Variants in ZNF516 observed in about 807,000 individuals in gnomAD.
ZNF516 encodes zinc finger protein 516.
A neutral mutation model predicts 79.7 loss-of-function variants in ZNF516; 19 were observed. That is an observed-to-expected ratio of 0.24 (90% confidence interval 0.17 to 0.35). The LOEUF is 0.35. Ranked by LOEUF, ZNF516 falls within the 10% of genes least tolerant of loss-of-function variation. The pLI, the probability that ZNF516 is intolerant of heterozygous loss-of-function variation, is 1.00. For synonymous variants in ZNF516, 877 were observed against 739.5 expected, an observed-to-expected ratio of 1.19 and a Z score of -3.02; for missense variants, 1,678 against 1,679.5, an observed-to-expected ratio of 1.00 and a Z score of 0.02.
chr18:76,475,795 C>T (rs746067417), intron 1 of ZNF516, among the ~76,000 whole-genome samples: 7 of 152,010 alleles, frequency 4.6e-5, no homozygotes, highest in Non-Finnish European at 8.8e-5. Flanking sequence ...TGAAATGTTA[C>T]GCAAAATTAA....
chr18:76,484,169 T>C (rs1288888888), intron 1 of ZNF516, among the ~76,000 whole-genome samples: 3 of 152,164 alleles, frequency 2.0e-5, no homozygotes, highest in African/African-American at 7.2e-5. Context: ...GCACAGCGTA[T>C]GGAGAAAAAG....
In ZNF516 at chr18:76,451,026, G is replaced by A. The variant is rs1333661194; in HGVS notation, c.-157-7815C>T. ...TCAACAATCGAACGCTTAAAGTTGCGGAAACCAAGCAAAGCTGACTGGGAG... is the reference window on the plus strand; with the variant it reads ...TCAACAATCGAACGCTTAAAGTTGCAGAAACCAAGCAAAGCTGACTGGGAG... On this transcript the variant is annotated intron_variant, in intron 2 of 6. Coordinates refer to ENST00000443185, the MANE Select transcript of ZNF516 (RefSeq NM_014643.4). The surrounding 1 kb of genome is among the most constrained non-coding windows in gnomAD (Gnocchi z 6.0). Among the ~76,000 whole-genome samples the A allele has an allele frequency of 2.0e-5, 3 of 152,124 alleles. No homozygotes were observed. The highest frequency in any genetic ancestry group is 6.5e-5 in the Admixed American group (1 of 15,270).
chr18:76,442,352 AGGCCTCGCCGCTGCC>A lies in ZNF516; in HGVS notation c.688_702del (p.Gly230_Ala234del), dbSNP rs1911731297. 1 of 1,609,866 alleles carries A rather than the reference AGGCCTCGCCGCTGCC, an allele frequency of 6.2e-7. No homozygotes were observed. Among genetic ancestry groups the A allele is most frequent in the Non-Finnish European group, 8.5e-7 (1 of 1,179,138 alleles). Reference sequence around the variant, plus strand: ...AGCTCGGGCTTGCCGTTCTCCACGCAGGCCTCGCCGCTGCCGGGCCCCTGCGCGGTGATGTGGTCC... The same window carrying A: ...AGCTCGGGCTTGCCGTTCTCCACGCAGGGCCCCTGCGCGGTGATGTGGTCC... On this transcript the variant is annotated inframe_deletion, in exon 3 of 7. Coordinates refer to ENST00000443185, the MANE Select transcript of ZNF516 (RefSeq NM_014643.4).
intron 3 of ZNF516, among the ~76,000 whole-genome samples, chr18:76,381,262 C>T (rs972350801): frequency 6.6e-6 from 1 of 152,154 alleles, no homozygotes; most frequent in Non-Finnish European, 1.5e-5. Context: ...AACAAAAATT[C>T]GGTTTTATGT....
chr18:76,377,015 C>T (rs1052140704), intron 4 of ZNF516, among the ~76,000 whole-genome samples: 2 of 152,212 alleles, frequency 1.3e-5, no homozygotes, highest in African/African-American at 4.8e-5. Flanking sequence ...ATCAAAAGGC[C>T]ACCAACCAAC....
chr18:76,456,482 G>A (rs918628993), intron 2 of ZNF516, among the ~76,000 whole-genome samples: 2 of 152,234 alleles, frequency 1.3e-5, no homozygotes, highest in African/African-American at 4.8e-5. Flanking sequence ...AGCCTATCCC[G>A]GCCAGCCTTC....
intron 1 of ZNF516, among the ~76,000 whole-genome samples, chr18:76,480,763 C>G (rs754568353): frequency 3.9e-5 from 6 of 152,244 alleles, no homozygotes; most frequent in Middle Eastern, 3.4e-3. Flanking sequence ...CTCAAGTGAT[C>G]CGCCCACCTC....
rs1322280339 is a variant in ZNF516, at chr18:76,443,090, C to G, written c.-36G>C. The G allele has an allele frequency of 6.5e-7, 1 of 1,541,226 alleles. No homozygotes were observed. Among genetic ancestry groups the G allele is most frequent in the Admixed American group, 2.0e-5 (1 of 49,470 alleles). On this transcript the variant is annotated 5_prime_UTR_variant, in exon 3 of 7. Coordinates refer to ENST00000443185, the MANE Select transcript of ZNF516 (RefSeq NM_014643.4). ...GGCGCGGCCGGTGGTGGCGGCACAG[C>G]TTTCTGTCGCGCGGGCTGCAGGGAC... is the stretch of plus-strand genomic sequence containing the variant.
chr18:76,427,834 T>A (rs1006455731), intron 3 of ZNF516, among the ~76,000 whole-genome samples: 6 of 151,728 alleles, frequency 4.0e-5, no homozygotes, highest in African/African-American at 1.2e-4. Context: ...GAAATACAAA[T>A]GGCCAGTAAA....
At chr18:76,370,030 C>T (rs1190534922) in intron 6 of ZNF516, among the ~76,000 whole-genome samples, 1 of 152,246 alleles carries the variant, frequency 6.6e-6, no homozygotes, top group Non-Finnish European at 1.5e-5. Context: ...AGGTGCATCA[C>T]AGACACAGGC....
At chr18:76,434,121 C>T (rs2075699303) in intron 3 of ZNF516, among the ~76,000 whole-genome samples, 2 of 152,204 alleles carry the variant, frequency 1.3e-5, no homozygotes, top group African/African-American at 4.8e-5. Flanking sequence ...CAGGAGCGAT[C>T]CTGCCTGGTC....
intron 1 of ZNF516, among the ~76,000 whole-genome samples, chr18:76,483,497 AT>A: frequency 6.6e-6 from 1 of 152,238 alleles, no homozygotes; most frequent in East Asian, 1.9e-4. Context: ...CGTCATCGGC[AT>A]CTGTCTGTCA....
intron 3 of ZNF516, among the ~76,000 whole-genome samples, chr18:76,384,742 C>T (rs150944178): frequency 9.2e-5 from 14 of 152,002 alleles, no homozygotes; most frequent in African/African-American, 2.2e-4. Flanking sequence ...TGCCTGGTTC[C>T]GTGGCTCCCA....
In ZNF516 at chr18:76,442,029, G is replaced by C; in HGVS notation, c.1026C>G (p.Asn342Lys). The change falls in exon 3 of 7, where the codon AAC (asparagine) becomes AAG (lysine). Residue 342 changes from asparagine (N) to lysine (K), a missense_variant. Asn to Lys is a moderately conservative substitution (Grantham distance 94, BLOSUM62 0). This residue lies in a region of ZNF516 where 1,294 missense variants were observed against 1,248.3 expected (regional missense o/e 1.04). Transcript: ENST00000443185. ...TCAAGCTGTCCAGGTTTGTAAACAG[G>C]TTCCCGCACTTGGCGCAGACCTCGT... ...SLYEVCAKCG[N>K]LFTNLDSLNA... 1 of 1,613,928 alleles carries C rather than the reference G, an allele frequency of 6.2e-7. No individual in the cohort carries two copies. The highest frequency in any genetic ancestry group is 8.5e-7 in the Non-Finnish European group (1 of 1,179,878).
At chr18:76,491,352 C>T (rs1284280408) in intron 1 of ZNF516, among the ~76,000 whole-genome samples, 2 of 133,968 alleles carry the variant, frequency 1.5e-5, no homozygotes, top group Non-Finnish European at 3.3e-5. Flanking sequence ...GCCCTTCCCC[C>T]CGCAGCCCCC....
intron 3 of ZNF516, among the ~76,000 whole-genome samples, chr18:76,428,258 T>C (rs1287615292): frequency 6.6e-6 from 1 of 151,692 alleles, no homozygotes; most frequent in Non-Finnish European, 1.5e-5. Flanking sequence ...CCGGGCATGG[T>C]GGCACGCACC....
intron 3 of ZNF516, among the ~76,000 whole-genome samples, chr18:76,382,148 AATG>A (rs71912887): frequency 0.22 from 33,776 of 151,932 alleles, 4,596 homozygotes; most frequent in East Asian, 0.45. Flanking sequence ...TAACAGTAAT[AATG>A]ATAATAAAAT....
chr18:76,419,737 G>T (rs1455703120), intron 3 of ZNF516, among the ~76,000 whole-genome samples: 1 of 152,212 alleles, frequency 6.6e-6, no homozygotes, highest in Admixed American at 6.5e-5. Context: ...CTTCTACCAT[G>T]ATTGTGAGGC....
chr18:76,421,260 A>C (rs1487551056), intron 3 of ZNF516, among the ~76,000 whole-genome samples: 1 of 152,220 alleles, frequency 6.6e-6, no homozygotes, highest in Non-Finnish European at 1.5e-5. Flanking sequence ...TGTGAAGTCA[A>C]GTTCAGAAGT....
Sources: gnomAD v4.1 joint callset for allele counts (sites outside exome capture counted in the v4.1 genomes callset) on GRCh38, gnomAD v4.1.1 for gene constraint, gnomAD v4.1.1 regional missense constraint, Gnocchi (gnomAD v3.1) non-coding constraint, MANE v1.5 for transcripts, NCBI Gene and HGNC (gene_info 2026-07-23, HGNC 2026-07-21) for gene names.